Variants in PHLDB2 observed in about 807,000 individuals in gnomAD.
PHLDB2 encodes the protein pleckstrin homology-like domain family B member 2.
In PHLDB2, 71 loss-of-function variants were observed where a neutral mutation model predicts 123.6. That is an observed-to-expected ratio of 0.57 (90% CI 0.47 to 0.70). The LOEUF (loss-of-function observed/expected upper bound fraction) is 0.70. Ranked by LOEUF, PHLDB2 falls within the 30% of genes least tolerant of loss-of-function variation. The pLI, the probability that PHLDB2 is intolerant of heterozygous loss-of-function variation, is 0.00. For missense variants in PHLDB2, 1,446 were observed against 1,519.5 expected (o/e 0.95, Z 0.80); for synonymous variants, 547 against 541.6 (o/e 1.01, Z -0.14).
At chr3:111,846,820 A>G (rs2064013613) in intron 2 of PHLDB2, among the ~76,000 whole-genome samples, 2 of 152,182 alleles carry the variant, frequency 1.3e-5, no homozygotes, top group Non-Finnish European at 2.9e-5. Flanking sequence ...GAATTCTGCA[A>G]TCTGTAGGGA....
intron 1 of PHLDB2, among the ~76,000 whole-genome samples, chr3:111,740,776 C>T (rs1222872293): frequency 6.6e-6 from 1 of 151,976 alleles, no homozygotes; most frequent in Non-Finnish European, 1.5e-5. Flanking sequence ...GCTTATGATT[C>T]AACCATATAG....
chr3:111,964,860 G>A (rs2071649725), intron 13 of PHLDB2, among the ~76,000 whole-genome samples: 1 of 152,102 alleles, frequency 6.6e-6, no homozygotes, highest in African/African-American at 2.4e-5. Flanking sequence ...TAGGCTATTG[G>A]TGAGTTTGTT....
intron 1 of PHLDB2, among the ~76,000 whole-genome samples, chr3:111,742,624 T>C (rs1344019374): frequency 6.6e-6 from 1 of 152,218 alleles, no homozygotes; most frequent in African/African-American, 2.4e-5. Context: ...TCCATGTCCC[T>C]ACAAAGGATA....
intron 1 of PHLDB2, among the ~76,000 whole-genome samples, chr3:111,774,587 T>G (rs1239009128): frequency 1.3e-5 from 2 of 152,342 alleles, no homozygotes; most frequent in East Asian, 3.9e-4. Flanking sequence ...TCATGGTTTT[T>G]TTCTGTTTTC....
intron 5 of PHLDB2, 29 bp downstream of exon 5, chr3:111,920,448 T>G (rs765219949): frequency 6.2e-7 from 1 of 1,605,612 alleles, no homozygotes. Context: ...TCAATGCAGT[T>G]TTTATGGGCA....
At chr3:111,938,739 G>A (rs1039199646) in intron 6 of PHLDB2, among the ~76,000 whole-genome samples, 4 of 152,056 alleles carry the variant, frequency 2.6e-5, no homozygotes, top group African/African-American at 7.2e-5. Context: ...CTCCACATTA[G>A]TCTTGTTTTC....
intron 6 of PHLDB2, among the ~76,000 whole-genome samples, chr3:111,938,297 C>T (rs2069630104): frequency 1.3e-5 from 2 of 152,212 alleles, no homozygotes; most frequent in Admixed American, 1.3e-4. Context: ...CGTAGGCTCC[C>T]CTCATTATCA....
chr3:111,751,067 A>G (rs2059763667), intron 1 of PHLDB2, among the ~76,000 whole-genome samples: 1 of 152,114 alleles, frequency 6.6e-6, no homozygotes, highest in Non-Finnish European at 1.5e-5. Context: ...TTCATCTGGA[A>G]GTTCTGGGAA....
intron 2 of PHLDB2, among the ~76,000 whole-genome samples, chr3:111,912,113 T>G (rs930120108): frequency 3.3e-5 from 5 of 152,192 alleles, no homozygotes; most frequent in African/African-American, 1.2e-4. Context: ...GTGATCACAA[T>G]AGATGGTTTT....
At chr3:111,749,130 T>TA (rs2107956400) in intron 1 of PHLDB2, among the ~76,000 whole-genome samples, 1 of 149,194 alleles carries the variant, frequency 6.7e-6, no homozygotes, top group African/African-American at 2.5e-5. Flanking sequence ...AGAATAAAAA[T>TA]AAAAAATAAA....
chr3:111,974,864 G>A lies in PHLDB2; in HGVS notation c.*301G>A, dbSNP rs192183520. 5.1e-6 allele frequency: 1 copy of A among 197,568 alleles called. No homozygotes were observed. The highest frequency in any genetic ancestry group is 1.0e-5 in the Non-Finnish European group (1 of 98,520). The allele number at this position is 197,568 out of a possible 1,614,324, so 12.2% of individuals were successfully genotyped here. A position where few individuals can be genotyped will look rare whatever the true frequency, so the allele number is the denominator to read the frequency against. ...TGTTTTTAATCAGTTGTCGGATTTG[G>A]TGAAATAAACTAAACAGGTTACAGA... On this transcript the variant is annotated 3_prime_UTR_variant, in exon 18 of 18. Coordinates refer to ENST00000431670, the MANE Select transcript of PHLDB2 (RefSeq NM_001134438.2).
At chr3:111,902,918 GT>G (rs1454060090) in intron 2 of PHLDB2, among the ~76,000 whole-genome samples, 1 of 152,216 alleles carries the variant, frequency 6.6e-6, no homozygotes, top group African/African-American at 2.4e-5. Flanking sequence ...GATTATCGGT[GT>G]GAGCCACCAG....
chr3:111,971,595 G>A (rs1409531922), intron 16 of PHLDB2, among the ~76,000 whole-genome samples: 3 of 152,060 alleles, frequency 2.0e-5, no homozygotes, highest in Non-Finnish European at 4.4e-5. Context: ...CTGCTCGTTC[G>A]GTTCTGTTTA....
At chr3:111,826,284 G>C (rs139452020) in intron 1 of PHLDB2, among the ~76,000 whole-genome samples, 1 of 152,016 alleles carries the variant, frequency 6.6e-6, no homozygotes, top group Non-Finnish European at 1.5e-5. Context: ...ACTCCAGCCT[G>C]GGCAACAGAG....
chr3:111,855,629 CTT>C (rs11368889), upstream of PHLDB2, among the ~76,000 whole-genome samples: 5,253 of 79,442 alleles, frequency 0.066, 64 homozygotes, highest in East Asian at 0.082. Flanking sequence ...CTGCATTTGT[CTT>C]TTTTTTTTTT....
intron 1 of PHLDB2, among the ~76,000 whole-genome samples, chr3:111,816,993 T>C (rs890440139): frequency 1.3e-5 from 2 of 152,332 alleles, no homozygotes; most frequent in Admixed American, 6.5e-5. Context: ...ACAAGCTCTC[T>C]TTTTGCCTGA....
intron 12 of PHLDB2, among the ~76,000 whole-genome samples, chr3:111,955,882 T>A (rs2071022485): frequency 1.3e-5 from 2 of 152,160 alleles, no homozygotes; most frequent in South Asian, 4.1e-4. Context: ...GAGGGTGGGA[T>A]CACAAATTAC....
chr3:111,831,657 T>A (rs2063044091), intron 1 of PHLDB2, among the ~76,000 whole-genome samples: 1 of 152,124 alleles, frequency 6.6e-6, no homozygotes, highest in Admixed American at 6.6e-5. Flanking sequence ...TAATTTCACA[T>A]GAGAAGAGGC....
chr3:111,942,234 A>G (rs2069946095), intron 8 of PHLDB2, among the ~76,000 whole-genome samples: 3 of 152,352 alleles, frequency 2.0e-5, no homozygotes, highest in East Asian at 1.9e-4. Flanking sequence ...ATTGTGGTCT[A>G]TAAGTATTAA....
Sources: gnomAD v4.1 joint callset for allele counts (sites outside exome capture counted in the v4.1 genomes callset) on GRCh38, gnomAD v4.1.1 for gene constraint, MANE v1.5 for transcripts, NCBI Gene and HGNC (gene_info 2026-07-23, HGNC 2026-07-21) for gene names.